SUSD6: variants seen among roughly 807,000 people sequenced by gnomAD.
SUSD6 encodes the protein sushi domain-containing protein 6.
Under a neutral mutation model 28.4 loss-of-function variants are expected in SUSD6, and 16 were observed. That is an observed-to-expected ratio of 0.56 (90% CI 0.38 to 0.86). The LOEUF is 0.86. Among genes scored for constraint, SUSD6 ranks in the 40% least tolerant of loss-of-function variants. The pLI is 0.00. For missense variants in SUSD6, 341 were observed against 384.2 expected, an observed-to-expected ratio of 0.89 and a Z score of 0.94; for synonymous variants, 147 against 159.6, an observed-to-expected ratio of 0.92 and a Z score of 0.59.
chr14:69,668,355 C>G (rs560940102), intron 2 of SUSD6, among the ~76,000 whole-genome samples: 32 of 152,298 alleles, frequency 2.1e-4, no homozygotes, highest in Middle Eastern at 6.8e-3. Flanking sequence ...ATATCCCCAG[C>G]TGGGTGCAGT....
intron 1 of SUSD6, among the ~76,000 whole-genome samples, chr14:69,641,796 G>C (rs1475687639): frequency 2.0e-5 from 3 of 151,804 alleles, no homozygotes; most frequent in Admixed American, 6.6e-5. Context: ...GAGGAGGGGG[G>C]GTCTCCCTAT....
intron 2 of SUSD6, among the ~76,000 whole-genome samples, chr14:69,677,073 G>A (rs1048595663): frequency 9.9e-5 from 15 of 152,172 alleles, no homozygotes; most frequent in African/African-American, 2.9e-4. Flanking sequence ...AGGACTAAGA[G>A]TGTTTAGGAT....
chr14:69,639,132 T>A (rs1885310076), intron 1 of SUSD6, among the ~76,000 whole-genome samples: 1 of 151,912 alleles, frequency 6.6e-6, no homozygotes, highest in African/African-American at 2.4e-5. Context: ...GAGGTCTCGA[T>A]CCTGGCTAAC....
chr14:69,668,804 T>C (rs1312437341), intron 2 of SUSD6, among the ~76,000 whole-genome samples: 4 of 151,912 alleles, frequency 2.6e-5, no homozygotes, highest in African/African-American at 9.7e-5. Flanking sequence ...GCTCTCTGAG[T>C]TCACATGAGA....
At chr14:69,694,823 A>G (rs1886201528) in intron 2 of SUSD6, among the ~76,000 whole-genome samples, 1 of 152,162 alleles carries the variant, frequency 6.6e-6, no homozygotes, top group Admixed American at 6.5e-5. Flanking sequence ...GCCTAAAACA[A>G]GATGGACAGG....
intron 2 of SUSD6, among the ~76,000 whole-genome samples, chr14:69,664,124 G>T (rs1190306717): frequency 6.6e-6 from 1 of 151,998 alleles, no homozygotes; most frequent in African/African-American, 2.4e-5. Flanking sequence ...TACCACAGGC[G>T]CCCGCCACCA....
In SUSD6 at chr14:69,714,562, G is replaced by A. The variant is rs1886518939; in HGVS notation, c.*3583G>A. 6.6e-6 allele frequency: 1 copy of A among 152,288 alleles called. No individual in the cohort carries two copies. Among genetic ancestry groups the A allele is most frequent in the Non-Finnish European group, 1.5e-5 (1 of 68,100 alleles). The allele number at this position is 152,288 out of a possible 1,614,324, so 9.4% of individuals were successfully genotyped here. On this transcript the variant is annotated 3_prime_UTR_variant, in exon 6 of 6. Coordinates refer to ENST00000342745, the MANE Select transcript of SUSD6 (RefSeq NM_014734.4). ...GCTGGGTCTGTCAGCTCTCGGAATAGGGACAGTCCTTACTGGTGCCCCAAG... is the reference window on the plus strand; with the variant it reads ...GCTGGGTCTGTCAGCTCTCGGAATAAGGACAGTCCTTACTGGTGCCCCAAG...
chr14:69,691,000 CTTCA>C, intron 2 of SUSD6, among the ~76,000 whole-genome samples: 1 of 152,178 alleles, frequency 6.6e-6, no homozygotes, highest in Non-Finnish European at 1.5e-5. Context: ...ACAGGGCTCA[CTTCA>C]TGGTATGCCT....
intron 2 of SUSD6, among the ~76,000 whole-genome samples, chr14:69,685,216 G>A (rs2184599): frequency 0.12 from 18,516 of 152,220 alleles, 1,484 homozygotes; most frequent in Non-Finnish European, 0.17. Context: ...TTCAAGTGAA[G>A]GGCTGCAAGT....
chr14:69,654,771 C>CTT (rs747847939), intron 1 of SUSD6, among the ~76,000 whole-genome samples: 4 of 122,476 alleles, frequency 3.3e-5, no homozygotes, highest in African/African-American at 1.0e-4. Flanking sequence ...TTACCAATTT[C>CTT]TTTTTTTTTT....
At position 69,684,671 on chromosome 14, in the gene SUSD6, G is replaced by T. The variant is rs80149066; in HGVS notation, c.122-18724G>T. Reference sequence around the variant, plus strand: ...TGTGGCCAGTGGAAACATCGTGTCTGTAGCCCCGTGAATGAGCAGTTCCTC... The same window carrying T: ...TGTGGCCAGTGGAAACATCGTGTCTTTAGCCCCGTGAATGAGCAGTTCCTC... On this transcript the variant is annotated intron_variant, in intron 2 of 5. Coordinates refer to ENST00000342745, the MANE Select transcript of SUSD6 (RefSeq NM_014734.4). 8.5e-3 allele frequency among the ~76,000 whole-genome samples: 1,289 copies of T among 152,364 alleles called. 13 individuals carry two copies. The highest frequency in any genetic ancestry group is 0.029 in the African/African-American group (1,225 of 41,592).
intron 2 of SUSD6, among the ~76,000 whole-genome samples, chr14:69,685,612 G>A (rs564937708): frequency 2.7e-4 from 41 of 152,240 alleles, no homozygotes; most frequent in African/African-American, 9.9e-4. Context: ...TTGGAGCCTC[G>A]ATACTTTCCT....
intron 1 of SUSD6, among the ~76,000 whole-genome samples, chr14:69,621,353 A>G (rs1885038457): frequency 6.6e-6 from 1 of 152,218 alleles, no homozygotes; most frequent in Admixed American, 6.5e-5. Context: ...AAAAACAAAT[A>G]TAAACAGGGT....
In SUSD6 at chr14:69,652,859, G is replaced by A. The variant is rs144653130; in HGVS notation, c.-80-5654G>A. Among the ~76,000 whole-genome samples the A allele has an allele frequency of 2.0e-5, 3 of 152,274 alleles. No homozygotes were observed. The East Asian group carries it at 5.8e-4, about 29-fold the overall frequency. ...TGTGAACTTTGGGCTTGTGTTGCAGGCCCTTACCAGAAGCCCACCGTGCGT... is the reference window on the plus strand; with the variant it reads ...TGTGAACTTTGGGCTTGTGTTGCAGACCCTTACCAGAAGCCCACCGTGCGT... On this transcript the variant is annotated intron_variant, in intron 1 of 5. Transcript: ENST00000342745.
intron 2 of SUSD6, among the ~76,000 whole-genome samples, chr14:69,686,424 C>T (rs920369521): frequency 3.9e-5 from 6 of 152,180 alleles, no homozygotes; most frequent in Non-Finnish European, 2.9e-5. Context: ...GTGTAAGAGT[C>T]GTGCAAAAAC....
intron 1 of SUSD6, among the ~76,000 whole-genome samples, chr14:69,622,621 TCTCA>T (rs1426783534): frequency 6.6e-6 from 1 of 152,102 alleles, no homozygotes; most frequent in African/African-American, 2.4e-5. Flanking sequence ...TGAGATGGAG[TCTCA>T]CTCTGTTGCG....
rs766282795 is a variant in SUSD6 at position 69,703,541 on chromosome 14, A to G, written c.268A>G (p.Lys90Glu). 2 of 1,614,246 alleles carry G rather than the reference A, an allele frequency of 1.2e-6. No homozygotes were observed. ...LKGDYKYLTC[K>E]NGEWKPAMEI... ...GGGCGATTACAAATACCTGACGTGT[A>G]AGAATGGCGAGTGGAAACCAGCCAT... Residue 90 changes from lysine (K) to glutamate (E), a missense_variant, in exon 3 of 6, where the codon AAG (lysine) becomes GAG (glutamate). Lys to Glu is a moderately conservative substitution (Grantham distance 56). Coordinates refer to ENST00000342745, the MANE Select transcript of SUSD6 (RefSeq NM_014734.4).
At chr14:69,614,562 TC>T (rs1020873198) in intron 1 of SUSD6, among the ~76,000 whole-genome samples, 2 of 152,244 alleles carry the variant, frequency 1.3e-5, no homozygotes, top group African/African-American at 4.8e-5. Flanking sequence ...ATTGTTTCAC[TC>T]CCTCCACACT....
rs1416785627 is a variant in SUSD6 at position 69,714,767 on chromosome 14, C to T, written c.*3788C>T. 6.6e-6 allele frequency: 1 copy of T among 152,198 alleles called. No homozygotes were observed. The highest frequency in any genetic ancestry group is 1.9e-4 in the East Asian group (1 of 5,194). 9.4% of individuals were successfully genotyped at this position (152,198 alleles called of 1,614,324 possible). On this transcript the variant is annotated 3_prime_UTR_variant, in exon 6 of 6. Transcript: ENST00000342745. ...AAGGTTGAGCCCCTCTGCCAAGCAG[C>T]AGAGCTAGTAGAAGGGGATGCAGGG...
Sources: allele counts gnomAD v4.1 joint callset (sites outside exome capture counted in the v4.1 genomes callset), GRCh38; gene constraint gnomAD v4.1.1; transcripts MANE v1.5; gene names NCBI Gene and HGNC (gene_info 2026-07-23, HGNC 2026-07-21).